Variants in CDKL3 observed in about 807,000 individuals in gnomAD.
CDKL3 encodes the protein cyclin dependent kinase like 3, also known as cyclin-dependent kinase-like 3.
Under a neutral mutation model 69.3 loss-of-function variants are expected in CDKL3, and 65 were observed. The observed-to-expected ratio is 0.94, with a 90% confidence interval of 0.77 to 1.15. The LOEUF is 1.15. Ranked by LOEUF, CDKL3 falls within the 50% of genes most tolerant of loss-of-function variation. The probability of loss-of-function intolerance (pLI) is 0.00; values close to 1 mark genes in which losing one functional copy is unlikely to be tolerated. For missense variants in CDKL3, 652 were observed against 689.2 expected (o/e 0.95, Z 0.61); for synonymous variants, 202 against 221.6 (o/e 0.91, Z 0.79).
At chr5:134,313,580 GA>G (rs763752992) in intron 6 of CDKL3, among the ~76,000 whole-genome samples, 1 of 151,926 alleles carries the variant, frequency 6.6e-6, no homozygotes, top group African/African-American at 2.4e-5. Context: ...GCAAATCCAA[GA>G]TAATTGTATA....
chr5:134,302,684 T>C lies in CDKL3; in HGVS notation c.1625A>G (p.Lys542Arg). 2 of 1,552,950 alleles carry C rather than the reference T, an allele frequency of 1.3e-6. No homozygotes were observed. Among genetic ancestry groups the C allele is most frequent in the Non-Finnish European group, 1.8e-6 (2 of 1,141,442 alleles). ...QSKDTKGMEV[K>R]QIKMLKRESK... ...CTCCCTCTTCAGCATTTTTATCTGTTTAACTTTTGCAAAAATATACAAAAC... is the reference window on the plus strand; with the variant it reads ...CTCCCTCTTCAGCATTTTTATCTGTCTAACTTTTGCAAAAATATACAAAAC... Residue 542 changes from lysine to arginine, a missense_variant, in exon 12 of 13, where the codon AAA becomes AGA. Lys to Arg is a conservative substitution (Grantham distance 26, BLOSUM62 2). Coordinates refer to ENST00000265334, the MANE Select transcript of CDKL3 (RefSeq NM_001113575.2).
intron 11 of CDKL3, among the ~76,000 whole-genome samples, chr5:134,302,991 CTAT>C (rs1766715765): frequency 6.6e-6 from 1 of 151,872 alleles, no homozygotes. Context: ...GATATTCTTG[CTAT>C]TATATTAATT....
intron 3 of CDKL3, among the ~76,000 whole-genome samples, chr5:134,352,731 CA>C (rs2149609587): frequency 6.6e-6 from 1 of 152,200 alleles, no homozygotes; most frequent in Non-Finnish European, 1.5e-5. Flanking sequence ...TTACAGGCAT[CA>C]GCCACTGTAC....
At chr5:134,330,161 G>A (rs772411076) in intron 4 of CDKL3, among the ~76,000 whole-genome samples, 2 of 152,090 alleles carry the variant, frequency 1.3e-5, no homozygotes, top group Non-Finnish European at 2.9e-5. Flanking sequence ...TGAGTGTCTT[G>A]GGAATTTAAC....
At chr5:134,292,999 T>A (rs1765184929) in intron 8 of CDKL3, among the ~76,000 whole-genome samples, 2 of 130,088 alleles carry the variant, frequency 1.5e-5, no homozygotes, top group Non-Finnish European at 3.2e-5. Context: ...TCACTGCCAA[T>A]TTCTTTTTTT....
intron 4 of CDKL3, among the ~76,000 whole-genome samples, chr5:134,329,220 C>T (rs1031093138): frequency 2.0e-5 from 3 of 152,064 alleles, no homozygotes; most frequent in Non-Finnish European, 4.4e-5. Context: ...TGCCTGTAGT[C>T]CCAACTATTT....
At chr5:134,366,839 G>A in intron 1 of CDKL3, 138 bp downstream of exon 1, 1 of 933,016 alleles carries the variant, frequency 1.1e-6, no homozygotes, top group South Asian at 3.1e-5. Flanking sequence ...TCAAGCATGG[G>A]GTCCCTACAC....
At chr5:134,335,993 C>T (rs1360379623) in intron 4 of CDKL3, among the ~76,000 whole-genome samples, 1 of 152,180 alleles carries the variant, frequency 6.6e-6, no homozygotes, top group African/African-American at 2.4e-5. Flanking sequence ...CACATAGTCC[C>T]ATATTTCTTG....
At chr5:134,335,347 G>C (rs1776828447) in intron 4 of CDKL3, among the ~76,000 whole-genome samples, 1 of 152,072 alleles carries the variant, frequency 6.6e-6, no homozygotes, top group South Asian at 2.1e-4. Context: ...TATTATGTGT[G>C]AATTTGATTC....
At chr5:134,303,468 A>T (rs1766866997) in intron 11 of CDKL3, among the ~76,000 whole-genome samples, 1 of 152,198 alleles carries the variant, frequency 6.6e-6, no homozygotes, top group Non-Finnish European at 1.5e-5. Flanking sequence ...AAACATAGAA[A>T]GGCAATTTAC....
chr5:134,364,145 CAATA>C (rs1411601044), intron 2 of CDKL3, among the ~76,000 whole-genome samples: 1 of 151,972 alleles, frequency 6.6e-6, no homozygotes, highest in East Asian at 1.9e-4. Context: ...AAATAGATTC[CAATA>C]AATAGAATAC....
chr5:134,286,589 G>C (rs763438149), intron 8 of CDKL3: 1 of 152,884 alleles, frequency 6.5e-6, no homozygotes, highest in Admixed American at 6.5e-5. Flanking sequence ...AAAAGAAAGA[G>C]GTTTATTAGA....
chr5:134,321,541 T>C (rs1052085582), intron 5 of CDKL3, among the ~76,000 whole-genome samples: 2 of 152,232 alleles, frequency 1.3e-5, no homozygotes, highest in African/African-American at 4.8e-5. Context: ...ATTCCTATTG[T>C]ACTATTTTTC....
intron 4 of CDKL3, among the ~76,000 whole-genome samples, chr5:134,341,869 G>A (rs553014747): frequency 3.3e-5 from 5 of 152,320 alleles, no homozygotes; most frequent in South Asian, 2.1e-4. Context: ...ACACCTGGTC[G>A]AACCAATCTG....
At chr5:134,299,529 T>C (rs2149411139) in intron 12 of CDKL3, 1 of 1,208,912 alleles carries the variant, frequency 8.3e-7, no homozygotes, top group Non-Finnish European at 1.1e-6. Flanking sequence ...TAAAGATTAA[T>C]AAATTTAAAA....
chr5:134,330,769 G>GAAGCAGATAT (rs1459812800), intron 4 of CDKL3, among the ~76,000 whole-genome samples: 1 of 152,122 alleles, frequency 6.6e-6, no homozygotes, highest in Non-Finnish European at 1.5e-5. Flanking sequence ...ATTCTCACAA[G>GAAGCAGATAT]AAGCAGATAT....
intron 6 of CDKL3, among the ~76,000 whole-genome samples, chr5:134,316,594 C>T (rs996569614): frequency 1.4e-5 from 2 of 141,760 alleles, no homozygotes; most frequent in Admixed American, 7.3e-5. Context: ...GAGACTCCAT[C>T]TCAAAAAAAA....
Position 134,315,278 on chromosome 5 carries a change from G to T in CDKL3, c.793-2898C>A, listed in dbSNP as rs184580108. On this transcript the variant is annotated intron_variant, in intron 6 of 12. Transcript: ENST00000265334. ...AAAACTTATGACAAAAGATTAATGT[G>T]TTTTTTTTCACAAATCAATAAGATA... Among the ~76,000 whole-genome samples, 628 of 151,386 alleles carry T rather than the reference G, an allele frequency of 4.1e-3. 5 individuals are homozygous for T. The highest frequency in any genetic ancestry group is 0.014 in the African/African-American group (559 of 41,284).
chr5:134,336,850 T>C (rs1472601246), intron 4 of CDKL3, among the ~76,000 whole-genome samples: 1 of 152,222 alleles, frequency 6.6e-6, no homozygotes, highest in African/African-American at 2.4e-5. Flanking sequence ...GCAGAACCAC[T>C]GCTCTCTTCA....
Sources: allele counts gnomAD v4.1 joint callset (sites outside exome capture counted in the v4.1 genomes callset), GRCh38; gene constraint gnomAD v4.1.1; transcripts MANE v1.5; gene names NCBI Gene and HGNC (gene_info 2026-07-23, HGNC 2026-07-21).